Variants in TLE1 observed in about 807,000 individuals in gnomAD.
TLE1 encodes the protein TLE family member 1, transcriptional corepressor.
A neutral mutation model predicts 89.8 loss-of-function variants in TLE1; 21 were observed. That is an observed-to-expected ratio of 0.23 (90% confidence interval 0.17 to 0.34). TLE1 has a LOEUF of 0.34. TLE1 is among the 10% of genes least tolerant of loss of function. The pLI is 1.00. For missense variants in TLE1, 795 were observed against 1,031.2 expected (o/e 0.77, Z 3.14); for synonymous variants, 447 against 407.6 (o/e 1.10, Z -1.16).
In TLE1 at chr9:81,583,968, G is replaced by A; in HGVS notation, c.*230C>T. On this transcript the variant is annotated 3_prime_UTR_variant, in exon 20 of 20. Coordinates refer to ENST00000376499, the MANE Select transcript of TLE1 (RefSeq NM_005077.5). The stretch of plus-strand genomic sequence containing the variant: ...TCCGTTCCTCAATCCTACAACCCAT[G>A]GCCCCTCTGTCCGCTTGGCCTTGGT... The A allele has an allele frequency of 1.9e-6, 1 of 525,054 alleles. No homozygotes were observed. The highest frequency in any genetic ancestry group is 3.1e-5 in the Admixed American group (1 of 31,982). The allele number at this position is 525,054 out of a possible 1,614,324, so 32.5% of individuals were successfully genotyped here.
chr9:81,606,372 A>C (rs1831654039), intron 14 of TLE1, among the ~76,000 whole-genome samples: 1 of 152,224 alleles, frequency 6.6e-6, no homozygotes, highest in Non-Finnish European at 1.5e-5. Flanking sequence ...GAACCAACCC[A>C]AATGTCCATC....
intron 10 of TLE1, 121 bp downstream of exon 10, chr9:81,616,525 G>C: frequency 1.1e-6 from 1 of 913,310 alleles, no homozygotes; most frequent in East Asian, 2.5e-5. Flanking sequence ...ACTTCTTAAT[G>C]TAAGAAGTTG....
At chr9:81,608,178 G>A (rs930962480) in intron 14 of TLE1, among the ~76,000 whole-genome samples, 1 of 151,670 alleles carries the variant, frequency 6.6e-6, no homozygotes, top group African/African-American at 2.4e-5. Flanking sequence ...GGAGGCCAAG[G>A]CAGGAGGACT....
intron 6 of TLE1, among the ~76,000 whole-genome samples, chr9:81,643,268 C>T (rs1419316257): frequency 6.6e-6 from 1 of 151,654 alleles, no homozygotes; most frequent in Non-Finnish European, 1.5e-5. Context: ...CAGAGTTTCG[C>T]TCTCGTTGCC....
At chr9:81,588,005 G>A (rs988807047) in intron 16 of TLE1, among the ~76,000 whole-genome samples, 177 bp from the exon 17 acceptor site, 1 of 150,458 alleles carries the variant, frequency 6.6e-6, no homozygotes, top group African/African-American at 2.5e-5. Flanking sequence ...AGGAGGAGGG[G>A]AAACAGCACC....
At chr9:81,654,865 C>CT (rs2132663775) in intron 4 of TLE1, among the ~76,000 whole-genome samples, 1 of 152,256 alleles carries the variant, frequency 6.6e-6, no homozygotes, top group East Asian at 1.9e-4. Flanking sequence ...CATAGCTTCC[C>CT]TAAGTCTCAA....
intron 14 of TLE1, among the ~76,000 whole-genome samples, chr9:81,594,499 C>T (rs1022849533): frequency 7.2e-5 from 11 of 151,824 alleles, no homozygotes; most frequent in East Asian, 5.8e-4. Context: ...AATGAGATCG[C>T]GCCACTGCAC....
intron 14 of TLE1, among the ~76,000 whole-genome samples, chr9:81,606,802 T>G (rs815849): frequency 0.89 from 134,475 of 151,402 alleles, 59,896 homozygotes; most frequent in African/African-American, 0.96. Context: ...TATATATATA[T>G]AGAGAGAGAG....
rs1193716726 is a variant in TLE1, at chr9:81,685,823, T to C, written c.189+10A>G. 2 of 1,613,998 alleles carry C rather than the reference T, an allele frequency of 1.2e-6. No homozygotes were observed. The highest frequency in any genetic ancestry group is 1.3e-5 in the African/African-American group (1 of 74,942). On this transcript the variant is annotated intron_variant, in intron 3 of 19. Coordinates refer to ENST00000376499, the MANE Select transcript of TLE1 (RefSeq NM_005077.5). The stretch of plus-strand genomic sequence containing the variant: ...ATGAAAAAGGAAAAAGTCCAATCTT[T>C]GATACCTACCATCACATAGTGCCTC...
intron 8 of TLE1, chr9:81,620,906 T>C (rs578158130): frequency 3.6e-6 from 2 of 556,704 alleles, no homozygotes; most frequent in South Asian, 1.4e-5. Context: ...GGAATACGAA[T>C]GGCCTATGAG....
Position 81,630,844 on chromosome 9 carries a change from G to A in TLE1, c.594+2504C>T, listed in dbSNP as rs181757831. ...TCATACTCATTTTTATACAAAGTTT[G>A]AAGAGCTACTTAATTTTATGTAACT... On this transcript the variant is annotated intron_variant, in intron 8 of 19. Transcript: ENST00000376499. 9.0e-4 allele frequency among the ~76,000 whole-genome samples: 137 copies of A among 152,242 alleles called. 1 individual carries two copies. Among genetic ancestry groups the A allele is most frequent in the Admixed American group, 8.0e-3 (122 of 15,284 alleles).
intron 4 of TLE1, among the ~76,000 whole-genome samples, chr9:81,684,354 G>A (rs1833994248): frequency 6.6e-6 from 1 of 151,592 alleles, no homozygotes; most frequent in African/African-American, 2.4e-5. Flanking sequence ...GTAAATCATA[G>A]TAAAATCTGC....
intron 4 of TLE1, among the ~76,000 whole-genome samples, chr9:81,658,357 T>A (rs1830389430): frequency 6.6e-6 from 1 of 152,046 alleles, no homozygotes; most frequent in Admixed American, 6.5e-5. Flanking sequence ...AGGAGAAAAG[T>A]TAGAAATCAA....
At chr9:81,660,862 C>T (rs1295620114) in intron 4 of TLE1, among the ~76,000 whole-genome samples, 14 of 148,268 alleles carry the variant, frequency 9.4e-5, no homozygotes, top group South Asian at 4.3e-4. Flanking sequence ...TTTGGGAGGC[C>T]GAGGCGGGAG....
chr9:81,614,631 A>T (rs1176560409), intron 11 of TLE1, among the ~76,000 whole-genome samples: 1 of 152,160 alleles, frequency 6.6e-6, no homozygotes, highest in African/African-American at 2.4e-5. Flanking sequence ...AAAATGGGAT[A>T]ATGCCTACCG....
chr9:81,615,835 A>G, intron 11 of TLE1, 147 bp downstream of exon 11: 2 of 1,042,688 alleles, frequency 1.9e-6, no homozygotes, highest in South Asian at 3.1e-5. Context: ...ATGGTGACAA[A>G]GAACAGAAGG....
At chr9:81,652,137 A>G in intron 6 of TLE1, 77 bp downstream of exon 6, 1 of 1,407,310 alleles carries the variant, frequency 7.1e-7, no homozygotes, top group Non-Finnish European at 1.0e-6. Context: ...ACACACACAC[A>G]CGTAAAGCCA....
chr9:81,609,138 G>A (rs371266921), intron 14 of TLE1, among the ~76,000 whole-genome samples: 66 of 151,800 alleles, frequency 4.3e-4, no homozygotes, highest in African/African-American at 1.5e-3. Flanking sequence ...AGGCTGGAGT[G>A]CAGTGGCATG....
chr9:81,592,500 C>G (rs1290067967), intron 15 of TLE1, among the ~76,000 whole-genome samples: 2 of 152,234 alleles, frequency 1.3e-5, no homozygotes, highest in African/African-American at 4.8e-5. Flanking sequence ...TCGTTGATGG[C>G]TGCCCCGGGT....
Sources: gnomAD v4.1 joint callset for allele counts (sites outside exome capture counted in the v4.1 genomes callset) on GRCh38, gnomAD v4.1.1 for gene constraint, MANE v1.5 for transcripts, NCBI Gene and HGNC (gene_info 2026-07-23, HGNC 2026-07-21) for gene names.